The following AVL9 variants were observed in gnomAD, a reference collection of about 807,000 sequenced individuals.
The protein encoded by AVL9 is late secretory pathway protein AVL9 homolog.
AVL9 carries 49 observed loss-of-function variants against 79.2 expected under a neutral mutation model. The observed-to-expected ratio is 0.62, with a 90% confidence interval of 0.49 to 0.79. The LOEUF is 0.79. Ranked by LOEUF, AVL9 falls within the 30% of genes least tolerant of loss-of-function variation. AVL9 has a pLI of 0.00. For synonymous variants in AVL9, 299 were observed against 280.6 expected, an observed-to-expected ratio of 1.07 and a Z score of -0.65; for missense variants, 682 against 776.8, an observed-to-expected ratio of 0.88 and a Z score of 1.45.
intron 1 of AVL9, among the ~76,000 whole-genome samples, chr7:32,501,118 T>C (rs1421451522): frequency 6.6e-6 from 1 of 152,224 alleles, no homozygotes; most frequent in Non-Finnish European, 1.5e-5. Context: ...GGTAGCAGAA[T>C]GTTGCATTGC....
At chr7:32,573,153 T>C (rs762221621) in intron 11 of AVL9, 46 bp from the exon 12 acceptor site, 12 of 1,493,930 alleles carry the variant, frequency 8.0e-6, no homozygotes, top group Non-Finnish European at 1.1e-5. Context: ...GGCATGGATG[T>C]CTGCGTGAAT....
chr7:32,552,109 T>G, intron 5 of AVL9, 120 bp from the exon 6 acceptor site: 1 of 636,296 alleles, frequency 1.6e-6, no homozygotes. Flanking sequence ...TGTTTTTAAA[T>G]TTAGCGCCTA....
chr7:32,559,625 A>G lies in AVL9; in HGVS notation c.1215+161A>G, dbSNP rs1365598970. ...ACATAGTACTGTGGCATCCGTGACC[A>G]TAGTATAAGTCTATGGGGAAGTATA... On this transcript the variant is annotated intron_variant, in intron 10 of 15. Coordinates refer to ENST00000318709, the MANE Select transcript of AVL9 (RefSeq NM_015060.3). Among the ~76,000 whole-genome samples the G allele has an allele frequency of 2.0e-5, 3 of 152,330 alleles. No individual in the cohort carries two copies. In the East Asian group the frequency reaches 5.8e-4, roughly 29 times the overall value.
chr7:32,568,057 T>C (rs939385957), intron 10 of AVL9, among the ~76,000 whole-genome samples: 9 of 151,540 alleles, frequency 5.9e-5, no homozygotes, highest in African/African-American at 1.9e-4. Context: ...CTAGACACAG[T>C]GTCTTACTAT....
chr7:32,531,359 T>G (rs1232091485), intron 1 of AVL9, among the ~76,000 whole-genome samples: 3 of 20,324 alleles, frequency 1.5e-4, no homozygotes, highest in Admixed American at 6.3e-4. Flanking sequence ...TTACTTCAGT[T>G]TACTGTGTAT....
intron 1 of AVL9, among the ~76,000 whole-genome samples, chr7:32,518,503 T>C (rs934602119): frequency 1.3e-5 from 2 of 152,174 alleles, no homozygotes; most frequent in African/African-American, 2.4e-5. Context: ...TATGCTCTTA[T>C]TAAAAGGTAA....
chr7:32,543,256 A>C lies in AVL9; in HGVS notation c.209A>C (p.Gln70Pro). 3 of 1,613,942 alleles carry C rather than the reference A, an allele frequency of 1.9e-6. No individual in the cohort carries two copies. Among genetic ancestry groups the C allele is most frequent in the Non-Finnish European group, 2.5e-6 (3 of 1,179,944 alleles). The change falls in exon 2 of 16, where the codon CAG becomes CCG. Residue 70 changes from glutamine (Q) to proline (P), a missense_variant. Physicochemically the swap from Gln to Pro is moderately conservative, Grantham distance 76 (BLOSUM62 -1). Coordinates refer to ENST00000318709, the MANE Select transcript of AVL9 (RefSeq NM_015060.3). ...LALPDGAHNYQEDTVFFHLPP... is the reference protein window; with the variant it reads ...LALPDGAHNYPEDTVFFHLPP... ...TTACCAGATGGCGCACACAACTACC[A>C]GGAAGGTATGTAACAAGACAGTGAA...
At chr7:32,503,349 T>TAG (rs1245093438) in intron 1 of AVL9, among the ~76,000 whole-genome samples, 4 of 109,932 alleles carry the variant, frequency 3.6e-5, no homozygotes, top group Non-Finnish European at 5.6e-5. Flanking sequence ...TATATAGATA[T>TAG]AGATATAGAG....
intron 1 of AVL9, among the ~76,000 whole-genome samples, chr7:32,520,218 G>A (rs1357161949): frequency 6.6e-6 from 1 of 152,184 alleles, no homozygotes; most frequent in African/African-American, 2.4e-5. Flanking sequence ...TGATGCATGG[G>A]AAGGATTAAA....
At chr7:32,537,103 T>A (rs1788947497) in intron 1 of AVL9, 1 of 152,196 alleles carries the variant, frequency 6.6e-6, no homozygotes, top group Non-Finnish European at 1.5e-5. Flanking sequence ...TCAAGGGGTA[T>A]GGCTGAAAGT....
In AVL9 at chr7:32,495,842, G is replaced by A. The variant is rs113120352; in HGVS notation, c.93+40G>A. 2.5e-3 allele frequency: 3,093 copies of A among 1,237,368 alleles called. 53 individuals are homozygous for A. The African/African-American group carries it at 0.039, about 15-fold the overall frequency. The allele number at this position is 1,237,368 out of a possible 1,614,324, so 76.6% of individuals were successfully genotyped here. ...CGCCCCCGCCCCCAGCCGTTCGGGC[G>A]TTCGCCCCTTCCGGGGCCCCCCTGC... is the stretch of plus-strand genomic sequence containing the variant. On this transcript the variant is annotated intron_variant, in intron 1 of 15. Coordinates refer to ENST00000318709, the MANE Select transcript of AVL9 (RefSeq NM_015060.3).
intron 7 of AVL9, 134 bp downstream of exon 7, chr7:32,553,901 C>A: frequency 1.7e-6 from 1 of 576,986 alleles, no homozygotes; most frequent in Non-Finnish European, 3.1e-6. Context: ...TGCTTTAGTT[C>A]TTCTAAGATG....
chr7:32,541,034 T>C (rs1167120217), intron 1 of AVL9, among the ~76,000 whole-genome samples: 1 of 151,122 alleles, frequency 6.6e-6, no homozygotes, highest in Admixed American at 6.6e-5. Flanking sequence ...CCCAAGTAGC[T>C]GGGACTACAG....
In AVL9 at chr7:32,573,335, C is replaced by T. The variant is rs141983074; in HGVS notation, c.1487C>T (p.Thr496Met). ...CGGGATGACGTCTTCCTAGATGGCA[C>T]GGGCTGGGAGGGAGGTGACGAATGG... ...ENRDDVFLDG[T>M]GWEGGDEWIR... is the part of the protein sequence containing the mutation. Residue 496 changes from threonine to methionine, a missense_variant, in exon 12 of 16, where the codon ACG becomes ATG. Transcript: ENST00000318709. 8 of 1,613,800 alleles carry T rather than the reference C, an allele frequency of 5.0e-6. No homozygotes were observed. Among genetic ancestry groups the T allele is most frequent in the Non-Finnish European group, 5.9e-6 (7 of 1,179,962 alleles).
At chr7:32,505,807 A>C (rs1354339675) in intron 1 of AVL9, among the ~76,000 whole-genome samples, 1 of 152,170 alleles carries the variant, frequency 6.6e-6, no homozygotes, top group Admixed American at 6.5e-5. Context: ...TACTGTTCTA[A>C]GCAAACATTG....
At chr7:32,507,707 T>G (rs564963064) in intron 1 of AVL9, among the ~76,000 whole-genome samples, 7 of 152,356 alleles carry the variant, frequency 4.6e-5, no homozygotes, top group East Asian at 1.9e-4. Context: ...TCATGAGCAT[T>G]TTTTAGATGT....
At chr7:32,499,384 A>T (rs1203796993) in intron 1 of AVL9, among the ~76,000 whole-genome samples, 1 of 152,040 alleles carries the variant, frequency 6.6e-6, no homozygotes, top group Non-Finnish European at 1.5e-5. Context: ...AACAGGTTAG[A>T]ACTTTTTTAA....
intron 8 of AVL9, among the ~76,000 whole-genome samples, chr7:32,558,303 G>A (rs566900869): frequency 4.6e-5 from 7 of 151,806 alleles, no homozygotes; most frequent in Admixed American, 1.3e-4. Flanking sequence ...GACCACAGGC[G>A]TGTGCCACCA....
At chr7:32,554,271 A>G (rs1369665086) in intron 7 of AVL9, among the ~76,000 whole-genome samples, 1 of 152,216 alleles carries the variant, frequency 6.6e-6, no homozygotes, top group East Asian at 1.9e-4. Context: ...GAAATAAAGT[A>G]TTTATTTAAA....
Sources: gnomAD v4.1 joint callset for allele counts (sites outside exome capture counted in the v4.1 genomes callset) on GRCh38, gnomAD v4.1.1 for gene constraint, MANE v1.5 for transcripts, NCBI Gene and HGNC (gene_info 2026-07-23, HGNC 2026-07-21) for gene names.